TMEM165: variants seen among roughly 807,000 people sequenced by gnomAD.
The protein encoded by TMEM165 is transmembrane protein 165.
Under a neutral mutation model 30.0 loss-of-function variants are expected in TMEM165, and 19 were observed. That is an observed-to-expected ratio of 0.63 (90% CI 0.44 to 0.93). TMEM165 has a LOEUF of 0.93. Among genes scored for constraint, TMEM165 ranks in the 40% least tolerant of loss-of-function variants. The pLI is 0.00. For synonymous variants in TMEM165, 168 were observed against 162.9 expected, an observed-to-expected ratio of 1.03 and a Z score of -0.24; for missense variants, 340 against 417.0, an observed-to-expected ratio of 0.82 and a Z score of 1.61.
At chr4:55,451,510 A>G (rs575420269) in intron 3 of TMEM165, among the ~76,000 whole-genome samples, 1 of 152,278 alleles carries the variant, frequency 6.6e-6, no homozygotes, top group South Asian at 2.1e-4. Flanking sequence ...CCATCCACAC[A>G]TTGAAGTTTC....
At chr4:55,402,105 C>CA (rs1225858686) in intron 1 of TMEM165, among the ~76,000 whole-genome samples, 1 of 89,102 alleles carries the variant, frequency 1.1e-5, no homozygotes, top group Admixed American at 1.3e-4. Context: ...GCAACAAGAG[C>CA]AAAACTCTGT....
intron 3 of TMEM165, chr4:55,438,420 A>G (rs746039304): frequency 1.2e-5 from 20 of 1,613,806 alleles, no homozygotes; most frequent in Middle Eastern, 1.7e-4. Flanking sequence ...GTTGTGTAGC[A>G]AAAGTAGGAT....
chr4:55,431,777 T>A (rs1165162996), intron 3 of TMEM165: 6 of 152,254 alleles, frequency 3.9e-5, no homozygotes, highest in Admixed American at 3.9e-4. Flanking sequence ...TTTGCCTCAA[T>A]GTAGTGGAAA....
intron 4 of TMEM165, 147 bp from the exon 5 acceptor site, chr4:55,424,391 C>A (rs11732723): frequency 5.0e-6 from 3 of 595,526 alleles, no homozygotes; most frequent in Non-Finnish European, 9.1e-6. Context: ...CATTACACCT[C>A]TCATAAATTT....
At chr4:55,401,456 A>G (rs1047711787) in intron 1 of TMEM165, among the ~76,000 whole-genome samples, 4 of 150,714 alleles carry the variant, frequency 2.7e-5, no homozygotes, top group African/African-American at 1.0e-4. Context: ...ACTTTATTGC[A>G]TATTCTGGAA....
At chr4:55,448,009 T>TA (rs1251693891) in intron 3 of TMEM165, among the ~76,000 whole-genome samples, 1 of 152,194 alleles carries the variant, frequency 6.6e-6, no homozygotes, top group Non-Finnish European at 1.5e-5. Context: ...TTTTTTTGGC[T>TA]ACTTTCCACA....
intron 1 of TMEM165, among the ~76,000 whole-genome samples, chr4:55,405,976 A>T (rs1721252858): frequency 6.6e-6 from 1 of 152,216 alleles, no homozygotes; most frequent in South Asian, 2.1e-4. Flanking sequence ...CATTGTCAGT[A>T]CAGAAAAGAG....
intron 1 of TMEM165, among the ~76,000 whole-genome samples, chr4:55,408,833 G>C (rs1182518342): frequency 6.6e-6 from 1 of 151,740 alleles, no homozygotes; most frequent in African/African-American, 2.4e-5. Context: ...AATTTTTCTG[G>C]GATTTCAGAT....
chr4:55,400,896 A>T (rs1720972056), intron 1 of TMEM165, among the ~76,000 whole-genome samples: 1 of 150,850 alleles, frequency 6.6e-6, no homozygotes, highest in South Asian at 2.1e-4. Flanking sequence ...AAATGATCAA[A>T]GTACAGTTTA....
chr4:55,406,982 T>C (rs1240628714), intron 1 of TMEM165, among the ~76,000 whole-genome samples: 3 of 152,260 alleles, frequency 2.0e-5, no homozygotes, highest in Non-Finnish European at 4.4e-5. Context: ...GTCTCTTTAT[T>C]ACAAATGATA....
chr4:55,430,538 A>G (rs1164299085), downstream of TMEM165: 1 of 152,212 alleles, frequency 6.6e-6, no homozygotes, highest in African/African-American at 2.4e-5. Flanking sequence ...CAGTGTTTCC[A>G]CAGGAGACAT....
chr4:55,451,226 T>C (rs1337245124), intron 3 of TMEM165, among the ~76,000 whole-genome samples: 1 of 152,170 alleles, frequency 6.6e-6, no homozygotes, highest in African/African-American at 2.4e-5. Context: ...AAATCTGTTC[T>C]TATTGATCAC....
At chr4:55,417,385 T>C (rs1721779621) in intron 3 of TMEM165, 138 bp downstream of exon 3, 1 of 855,692 alleles carries the variant, frequency 1.2e-6, no homozygotes, top group South Asian at 1.9e-5. Context: ...GTTCTGTTCT[T>C]ATACCTGTCT....
intron 1 of TMEM165, 104 bp downstream of exon 1, chr4:55,396,500 G>C: frequency 9.6e-7 from 1 of 1,046,826 alleles, no homozygotes; most frequent in South Asian, 2.2e-5. Flanking sequence ...TCGGCTGGGG[G>C]AGGGGAGCCC....
At chr4:55,410,737 A>G (rs1371856774) in intron 1 of TMEM165, among the ~76,000 whole-genome samples, 1 of 152,216 alleles carries the variant, frequency 6.6e-6, no homozygotes, top group Non-Finnish European at 1.5e-5. Context: ...CCGTCGTTCA[A>G]ATGTTTTTTA....
intron 1 of TMEM165, among the ~76,000 whole-genome samples, chr4:55,399,980 A>G (rs900002510): frequency 6.9e-6 from 1 of 145,960 alleles, no homozygotes; most frequent in African/African-American, 2.5e-5. Flanking sequence ...CTAATTTTGT[A>G]TTATAATAGA....
rs138743406 is a variant in TMEM165 at position 55,438,503 on chromosome 4, C to T, written c.409-13736C>T. 4.3e-5 allele frequency: 70 copies of T among 1,613,530 alleles called. 1 individual carries two copies. In the Admixed American group the frequency reaches 9.0e-4, roughly 21 times the overall value. ...GCCCCACAAGCTACAGGAGCAGTCACTAATTTGGTCACAAGTTGTTGACCT... is the reference window on the plus strand; with the variant it reads ...GCCCCACAAGCTACAGGAGCAGTCATTAATTTGGTCACAAGTTGTTGACCT... On this transcript the variant is annotated intron_variant, in intron 3 of 3. Coordinates refer to the TMEM165 transcript ENST00000608091.
At chr4:55,418,110 T>C (rs2109553603) in intron 4 of TMEM165, 125 bp downstream of exon 4, 3 of 866,610 alleles carry the variant, frequency 3.5e-6, no homozygotes, top group East Asian at 6.0e-5. Flanking sequence ...GTTTTACATC[T>C]GATAATTCAG....
chr4:55,435,171 C>A, intron 3 of TMEM165: 2 of 524,032 alleles, frequency 3.8e-6, no homozygotes, highest in Non-Finnish European at 6.9e-6. Context: ...CAAAAAATAT[C>A]CAGGCACCTA....
Sources: gnomAD v4.1 joint callset for allele counts (sites outside exome capture counted in the v4.1 genomes callset) on GRCh38, gnomAD v4.1.1 for gene constraint, MANE v1.5 for transcripts, NCBI Gene and HGNC (gene_info 2026-07-23, HGNC 2026-07-21) for gene names.